The following ARHGAP28 variants were observed in gnomAD, a reference collection of about 807,000 sequenced individuals.
ARHGAP28 encodes Rho GTPase activating protein 28, also known as rho GTPase-activating protein 28.
ARHGAP28 carries 56 observed loss-of-function variants against 90.7 expected under a neutral mutation model. The observed-to-expected ratio is 0.62, with a 90% CI of 0.50 to 0.77. The LOEUF (loss-of-function observed/expected upper bound fraction) is 0.77, where lower values mean the gene tolerates loss of function less well. ARHGAP28 is among the 30% of genes least tolerant of loss of function. The pLI is 0.00. For synonymous variants in ARHGAP28, 308 were observed against 323.3 expected, an observed-to-expected ratio of 0.95 and a Z score of 0.51; for missense variants, 869 against 900.9, an observed-to-expected ratio of 0.96 and a Z score of 0.45.
At chr18:6,762,321 C>A (rs1298297164) in intron 1 of ARHGAP28, among the ~76,000 whole-genome samples, 1 of 152,202 alleles carries the variant, frequency 6.6e-6, no homozygotes, top group Admixed American at 6.5e-5. Context: ...CTTAGGGTAA[C>A]CTGAACTGCT....
intron 15 of ARHGAP28, 98 bp downstream of exon 15, chr18:6,894,989 C>G: frequency 8.5e-7 from 1 of 1,182,796 alleles, no homozygotes; most frequent in Non-Finnish European, 1.2e-6. Context: ...CATGAACTAT[C>G]CTTCAAACTT....
At chr18:6,733,285 A>T (rs184472925) in intron 1 of ARHGAP28, among the ~76,000 whole-genome samples, 1 of 152,104 alleles carries the variant, frequency 6.6e-6, no homozygotes, top group Non-Finnish European at 1.5e-5. Context: ...TAATATATAG[A>T]TTATCCTTTG....
chr18:6,864,384 G>A (rs2057022065), intron 5 of ARHGAP28, among the ~76,000 whole-genome samples: 1 of 152,138 alleles, frequency 6.6e-6, no homozygotes, highest in South Asian at 2.1e-4. Flanking sequence ...TTTAATGGAT[G>A]TAATTTAAGG....
intron 3 of ARHGAP28, among the ~76,000 whole-genome samples, chr18:6,842,323 G>T (rs1259607248): frequency 1.3e-5 from 2 of 152,030 alleles, no homozygotes; most frequent in East Asian, 3.9e-4. Flanking sequence ...GCCATGACTG[G>T]GCCACTTAAC....
At chr18:6,749,892 G>A (rs2056055182) in intron 1 of ARHGAP28, among the ~76,000 whole-genome samples, 1 of 152,104 alleles carries the variant, frequency 6.6e-6, no homozygotes, top group South Asian at 2.1e-4. Flanking sequence ...AGTGTAGGTA[G>A]CTTCAAAAAT....
chr18:6,821,706 T>G (rs1486035253), intron 1 of ARHGAP28, among the ~76,000 whole-genome samples: 1 of 152,184 alleles, frequency 6.6e-6, no homozygotes, highest in Non-Finnish European at 1.5e-5. Flanking sequence ...ATTCTTTGGG[T>G]GGACTGTTTC....
intron 10 of ARHGAP28, among the ~76,000 whole-genome samples, chr18:6,881,037 G>A (rs688134): frequency 0.98 from 148,982 of 152,348 alleles, 72,862 homozygotes; most frequent in East Asian, 1. Context: ...GGGCAAGATG[G>A]AAATCTCCTT....
intron 4 of ARHGAP28, 144 bp from the exon 5 acceptor site, chr18:6,859,664 C>A: frequency 1.3e-6 from 1 of 780,628 alleles, no homozygotes; most frequent in Non-Finnish European, 2.1e-6. Flanking sequence ...GCTGCACTAC[C>A]AGTTGGATGC....
At position 6,805,479 on chromosome 18, in the gene ARHGAP28, CTTTTTTTT is replaced by C. The variant is rs756550297; in HGVS notation, c.123-19267_123-19260del. Among the ~76,000 whole-genome samples, 52 of 97,576 alleles carry C rather than the reference CTTTTTTTT, an allele frequency of 5.3e-4. No homozygotes were observed. The East Asian group carries it at 0.012, about 23-fold the overall frequency. 64.0% of individuals were successfully genotyped at this position (97,576 alleles called of 152,430 possible). On this transcript the variant is annotated intron_variant, in intron 1 of 17. Coordinates refer to ENST00000383472, the MANE Select transcript of ARHGAP28 (RefSeq NM_001366230.1). ...TTTAATCTGGTCTGATAACCTTTGC[CTTTTTTTT>C]TTTTTTTTTTTTTTTGAAACGGAAT...
At chr18:6,879,638 A>G (rs1354188802) in intron 10 of ARHGAP28, among the ~76,000 whole-genome samples, 1 of 152,240 alleles carries the variant, frequency 6.6e-6, no homozygotes, top group Non-Finnish European at 1.5e-5. Context: ...ATGACGCGGT[A>G]TTATTCCCTA....
chr18:6,803,620 C>G (rs2056498143), intron 1 of ARHGAP28, among the ~76,000 whole-genome samples: 1 of 152,022 alleles, frequency 6.6e-6, no homozygotes, highest in Non-Finnish European at 1.5e-5. Context: ...GTTCCCTCCC[C>G]TTCAATTTTC....
chr18:6,830,935 A>G (rs1329354951), intron 2 of ARHGAP28, among the ~76,000 whole-genome samples: 2 of 152,104 alleles, frequency 1.3e-5, no homozygotes, highest in African/African-American at 2.4e-5. Flanking sequence ...TTTTGTATAG[A>G]TATGTTTTTA....
intron 2 of ARHGAP28, among the ~76,000 whole-genome samples, chr18:6,826,840 C>T (rs553547143): frequency 1.3e-5 from 2 of 151,990 alleles, no homozygotes; most frequent in Non-Finnish European, 2.9e-5. Flanking sequence ...TGCGGCCTTC[C>T]GCAGTGTTTG....
chr18:6,847,726 A>T (rs2143207081), intron 3 of ARHGAP28, among the ~76,000 whole-genome samples: 1 of 152,214 alleles, frequency 6.6e-6, no homozygotes, highest in South Asian at 2.1e-4. Flanking sequence ...TATCAAAAAT[A>T]CATAATCTGG....
intron 1 of ARHGAP28, among the ~76,000 whole-genome samples, chr18:6,820,769 G>A (rs568442064): frequency 1.3e-5 from 2 of 152,168 alleles, no homozygotes; most frequent in Non-Finnish European, 2.9e-5. Flanking sequence ...TCAGCCTAGA[G>A]TTCTATGCCC....
intron 1 of ARHGAP28, among the ~76,000 whole-genome samples, chr18:6,771,467 TCGTATTTCA>T (rs1211114746): frequency 6.6e-6 from 1 of 152,142 alleles, no homozygotes; most frequent in Non-Finnish European, 1.5e-5. Context: ...GGGGAGAGGT[TCGTATTTCA>T]CAAGCAAAGC....
intron 2 of ARHGAP28, among the ~76,000 whole-genome samples, chr18:6,832,628 C>T (rs550123376): frequency 1.2e-4 from 19 of 152,092 alleles, no homozygotes; most frequent in African/African-American, 4.3e-4. Context: ...TGAATTGACT[C>T]ATTTTATCAT....
chr18:6,852,610 C>T (rs906998273), intron 4 of ARHGAP28, among the ~76,000 whole-genome samples: 8 of 152,004 alleles, frequency 5.3e-5, no homozygotes, highest in Non-Finnish European at 1.0e-4. Flanking sequence ...AAGGCTTGTA[C>T]AACTGCAAAA....
chr18:6,843,734 T>G (rs1282746978), intron 3 of ARHGAP28, among the ~76,000 whole-genome samples: 1 of 152,224 alleles, frequency 6.6e-6, no homozygotes, highest in East Asian at 1.9e-4. Context: ...ATAAATGTGT[T>G]TTTTCTTACA....
Sources: allele counts gnomAD v4.1 joint callset (sites outside exome capture counted in the v4.1 genomes callset), GRCh38; gene constraint gnomAD v4.1.1; transcripts MANE v1.5; gene names NCBI Gene and HGNC (gene_info 2026-07-23, HGNC 2026-07-21).